The following HERC3 variants were observed in gnomAD, a reference collection of about 807,000 sequenced individuals.
HERC3 encodes probable E3 ubiquitin-protein ligase HERC3.
Under a neutral mutation model 129.9 loss-of-function variants are expected in HERC3, and 58 were observed. The observed-to-expected ratio is 0.45, with a 90% CI of 0.36 to 0.56. The LOEUF (loss-of-function observed/expected upper bound fraction) is 0.56, where lower values mean the gene tolerates loss of function less well. Among genes scored for constraint, HERC3 ranks in the 20% least tolerant of loss-of-function variants. The probability of loss-of-function intolerance (pLI) is 0.00; values close to 1 mark genes in which losing one functional copy is unlikely to be tolerated. For missense variants in HERC3, 835 were observed against 1,244.2 expected (o/e 0.67, Z 4.95); for synonymous variants, 430 against 451.0 (o/e 0.95, Z 0.59).
the HERC3 span, among the ~76,000 whole-genome samples, chr4:88,557,761 G>T: frequency 4.6e-5 from 7 of 152,116 alleles, no homozygotes; most frequent in African/African-American, 1.2e-4. Context: ...ATTTCTTAAA[G>T]AACTAAAAGT....
At chr4:88,617,556 C>T (rs1725045892) in intron 3 of HERC3, among the ~76,000 whole-genome samples, 1 of 152,128 alleles carries the variant, frequency 6.6e-6, no homozygotes, top group Non-Finnish European at 1.5e-5. Context: ...TGCCTATACA[C>T]AGAGGCTGTT....
intron 3 of HERC3, among the ~76,000 whole-genome samples, chr4:88,636,344 A>T (rs574681486): frequency 6.6e-6 from 1 of 152,320 alleles, no homozygotes; most frequent in Admixed American, 6.5e-5. Flanking sequence ...AGGGGTTGCA[A>T]TCCTAGTCTC....
At chr4:88,692,777 C>A in intron 23 of HERC3, 1 of 396,248 alleles carries the variant, frequency 2.5e-6, no homozygotes, top group Non-Finnish European at 3.4e-6. Context: ...GTCCAGGATT[C>A]TAAACCAGAG....
At chr4:88,626,346 T>C (rs1184637096) in intron 3 of HERC3, among the ~76,000 whole-genome samples, 1 of 152,118 alleles carries the variant, frequency 6.6e-6, no homozygotes, top group Non-Finnish European at 1.5e-5. Flanking sequence ...TGTGCCTGGC[T>C]CCATGTTTTT....
intron 2 of HERC3, among the ~76,000 whole-genome samples, chr4:88,602,866 A>G (rs779562469): frequency 2.6e-5 from 4 of 152,172 alleles, no homozygotes; most frequent in Non-Finnish European, 5.9e-5. Flanking sequence ...ATTTCTAAGA[A>G]TTTCCGAAGG....
the HERC3 span, among the ~76,000 whole-genome samples, chr4:88,540,722 G>C: frequency 6.6e-6 from 1 of 152,210 alleles, no homozygotes; most frequent in Non-Finnish European, 1.5e-5. Flanking sequence ...CACAAGGGAA[G>C]CCCATCAGAC....
intron 18 of HERC3, among the ~76,000 whole-genome samples, chr4:88,677,234 C>T (rs939858354): frequency 6.6e-6 from 1 of 152,084 alleles, no homozygotes; most frequent in East Asian, 1.9e-4. Context: ...TTGCTGACTC[C>T]TGACATAGAG....
intron 7 of HERC3, 149 bp from the exon 8 acceptor site, chr4:88,655,025 A>C (rs1729731152): frequency 1.7e-6 from 1 of 596,576 alleles, no homozygotes; most frequent in Non-Finnish European, 2.8e-6. Context: ...TTTTCTATTT[A>C]ATGAACATCC....
At chr4:88,597,631 G>A (rs531965316) in intron 2 of HERC3, among the ~76,000 whole-genome samples, 2 of 152,290 alleles carry the variant, frequency 1.3e-5, no homozygotes, top group Non-Finnish European at 2.9e-5. Flanking sequence ...TGCCAGTCTC[G>A]TTGGTGTCTT....
chr4:88,630,545 A>T (rs767754977), intron 3 of HERC3, among the ~76,000 whole-genome samples: 1 of 152,182 alleles, frequency 6.6e-6, no homozygotes, highest in Non-Finnish European at 1.5e-5. Flanking sequence ...GGTTGTATGG[A>T]AGCCGGTGCT....
intron 9 of HERC3, among the ~76,000 whole-genome samples, chr4:88,657,792 A>G (rs1291828075): frequency 6.6e-6 from 1 of 151,518 alleles, no homozygotes; most frequent in African/African-American, 2.4e-5. Flanking sequence ...GGTGTAGAGG[A>G]CTGTGAGGGA....
chr4:88,696,457 TA>T (rs1172626916), intron 23 of HERC3: 1 of 152,590 alleles, frequency 6.6e-6, no homozygotes, highest in African/African-American at 2.4e-5. Flanking sequence ...GGGTATTTTT[TA>T]CGTGTTTGTA....
At chr4:88,559,173 A>T in the HERC3 span, among the ~76,000 whole-genome samples, 1 of 152,198 alleles carries the variant, frequency 6.6e-6, no homozygotes, top group Admixed American at 6.5e-5. Context: ...GACCTTGAGC[A>T]GTAGGATATA....
At chr4:88,548,333 A>G in the HERC3 span, among the ~76,000 whole-genome samples, 172 of 152,016 alleles carry the variant, frequency 1.1e-3, 1 homozygote, top group Non-Finnish European at 1.9e-3. Context: ...GGGATTTTAA[A>G]TTTTTCCACA....
chr4:88,590,694 T>C (rs1721654106), upstream of HERC3, among the ~76,000 whole-genome samples: 1 of 152,244 alleles, frequency 6.6e-6, no homozygotes, highest in South Asian at 2.1e-4. Context: ...CTTTCTCCTT[T>C]GCAAGTACCG....
chr4:88,646,196 T>C (rs1043387858), intron 3 of HERC3, among the ~76,000 whole-genome samples: 4 of 152,178 alleles, frequency 2.6e-5, no homozygotes, highest in Non-Finnish European at 5.9e-5. Flanking sequence ...GTTGCAAGGC[T>C]TAAGAATCTG....
chr4:88,647,951 C>G (rs1199805806), intron 3 of HERC3, among the ~76,000 whole-genome samples: 1 of 151,932 alleles, frequency 6.6e-6, no homozygotes, highest in African/African-American at 2.4e-5. Context: ...TCTACCTACC[C>G]TCTCCTCTTC....
the HERC3 span, among the ~76,000 whole-genome samples, chr4:88,543,479 G>T: frequency 6.6e-6 from 1 of 152,150 alleles, no homozygotes; most frequent in Non-Finnish European, 1.5e-5. Flanking sequence ...TGGACAGGAA[G>T]AATCAATATC....
At chr4:88,667,243 A>T (rs1731144528) in intron 12 of HERC3, 134 bp from the exon 13 acceptor site, 3 of 466,006 alleles carry the variant, frequency 6.4e-6, no homozygotes, top group Non-Finnish European at 1.2e-5. Context: ...AAAGTGTAGT[A>T]TTTTTGTGGA....
Sources: gnomAD v4.1 joint callset for allele counts (sites outside exome capture counted in the v4.1 genomes callset) on GRCh38, gnomAD v4.1.1 for gene constraint, MANE v1.5 for transcripts, NCBI Gene and HGNC (gene_info 2026-07-23, HGNC 2026-07-21) for gene names.